DPYSL5: variants seen among roughly 807,000 people sequenced by gnomAD.
DPYSL5 encodes the protein dihydropyrimidinase-related protein 5.
Under a neutral mutation model 58.4 loss-of-function variants are expected in DPYSL5, and 9 were observed. That is an observed-to-expected ratio of 0.15 (90% CI 0.09 to 0.27). DPYSL5 has a LOEUF of 0.27. DPYSL5 is among the 10% of genes least tolerant of loss of function. DPYSL5 has a pLI of 1.00. For synonymous variants in DPYSL5, 293 were observed against 301.9 expected (o/e 0.97, Z 0.31); for missense variants, 499 against 770.6 (o/e 0.65, Z 4.17).
Position 26,942,535 on chromosome 2 carries a change from C to T in DPYSL5, c.1233-8C>T, listed in dbSNP as rs775353913. 2 of 1,612,792 alleles carry T rather than the reference C, an allele frequency of 1.2e-6. No homozygotes were observed. Among genetic ancestry groups the T allele is most frequent in the East Asian group, 2.2e-5 (1 of 44,854 alleles). On this transcript the variant is annotated splice_region_variant and splice_polypyrimidine_tract_variant and intron_variant, in intron 10 of 12. Transcript: ENST00000288699. This position sits in a 1 kb window ranked among gnomAD's most constrained non-coding sequence, Gnocchi z 5.9. ...GCGCTTTCTCTCCCGCCATTGCCTC[C>T]CCACCAGGACCATCTCAGCCAGCAC...
At chr2:26,889,982 C>T (rs188889743) in intron 1 of DPYSL5, among the ~76,000 whole-genome samples, 42 of 152,242 alleles carry the variant, frequency 2.8e-4, no homozygotes, top group African/African-American at 8.9e-4. Flanking sequence ...CAGTCCACAG[C>T]GAGGCGGGAT....
chr2:26,926,159 C>T (rs185175177), intron 3 of DPYSL5, among the ~76,000 whole-genome samples: 2 of 152,342 alleles, frequency 1.3e-5, no homozygotes, highest in East Asian at 3.9e-4. Context: ...ATATTTCTGC[C>T]CTCGGGTCTT....
chr2:26,929,355 C>T (rs1188993460), intron 5 of DPYSL5, among the ~76,000 whole-genome samples: 1 of 152,204 alleles, frequency 6.6e-6, no homozygotes, highest in Non-Finnish European at 1.5e-5. Flanking sequence ...GCCTCAGCCT[C>T]CCAAGTAGTT....
intron 1 of DPYSL5, among the ~76,000 whole-genome samples, chr2:26,871,973 A>G (rs1663271973): frequency 6.6e-6 from 1 of 152,200 alleles, no homozygotes; most frequent in African/African-American, 2.4e-5. Flanking sequence ...TGCTAAAAAG[A>G]CAGATTAGTA....
At chr2:26,862,706 G>A in intron 1 of DPYSL5, among the ~76,000 whole-genome samples, 1 of 152,212 alleles carries the variant, frequency 6.6e-6, no homozygotes. Context: ...GACAAGGCTG[G>A]TGGAAGTCAC....
At chr2:26,902,473 C>T (rs961950069) in intron 2 of DPYSL5, among the ~76,000 whole-genome samples, 3 of 152,134 alleles carry the variant, frequency 2.0e-5, no homozygotes, top group African/African-American at 7.2e-5. Flanking sequence ...ACCAGCCCCT[C>T]ACTAAGATAT....
At position 26,926,639 on chromosome 2, in the gene DPYSL5, A is replaced by G. The variant is rs188263302; in HGVS notation, c.421-614A>G. ...TGCTTTCACAGAGTAGCTATTTTGC[A>G]TAGGTGTGAGCATTTTCTATTTTGC... On this transcript the variant is annotated intron_variant, in intron 3 of 12. Coordinates refer to ENST00000288699, the MANE Select transcript of DPYSL5 (RefSeq NM_020134.4). Among the ~76,000 whole-genome samples, 729 of 152,242 alleles carry G rather than the reference A, an allele frequency of 4.8e-3. 4 individuals are homozygous for G. Among genetic ancestry groups the G allele is most frequent in the South Asian group, 6.4e-3 (31 of 4,816 alleles).
At chr2:26,931,203 G>GTGTATATATA (rs1474347605) in intron 5 of DPYSL5, among the ~76,000 whole-genome samples, 1 of 44,934 alleles carries the variant, frequency 2.2e-5, no homozygotes, top group African/African-American at 8.1e-5. Flanking sequence ...GTGTGTGTGT[G>GTGTATATATA]TATATATATA....
chr2:26,921,908 G>A (rs559374583), intron 2 of DPYSL5, among the ~76,000 whole-genome samples: 8 of 152,272 alleles, frequency 5.3e-5, no homozygotes, highest in South Asian at 4.1e-4. Context: ...CAACCAACAC[G>A]TGGGAAAGTC....
chr2:26,946,929 T>A lies in DPYSL5; in HGVS notation c.1629T>A (p.His543Gln). 1.2e-6 allele frequency: 2 copies of A among 1,614,094 alleles called. No homozygotes were observed. Among genetic ancestry groups the A allele is most frequent in the Non-Finnish European group, 1.7e-6 (2 of 1,179,934 alleles). The change falls in exon 13 of 13, where the codon CAT (histidine) becomes CAA (glutamine). Residue 543 changes from histidine to glutamine, a missense_variant. This residue lies in a region of DPYSL5 where 33 missense variants were observed against 63.8 expected (regional missense o/e 0.52). Transcript: ENST00000288699. ...FSLSGSQIDD[H>Q]VPKRASARIL... ...CTGCAGGCTCTCAGATCGATGACCA[T>A]GTTCCAAAGCGAGCTTCAGCTCGGA...
chr2:26,859,321 C>T (rs1242486443), intron 1 of DPYSL5, among the ~76,000 whole-genome samples: 1 of 151,094 alleles, frequency 6.6e-6, no homozygotes, highest in Non-Finnish European at 1.5e-5. Flanking sequence ...TCATACCTAG[C>T]TGATAATATG....
rs1284592507 is a variant in DPYSL5 at position 26,849,724 on chromosome 2, G to T, written c.-5+1470G>T. Among the ~76,000 whole-genome samples, 1 of 152,246 alleles carries T rather than the reference G, an allele frequency of 6.6e-6. No homozygotes were observed. The highest frequency in any genetic ancestry group is 1.5e-5 in the Non-Finnish European group (1 of 68,038). On this transcript the variant is annotated intron_variant, in intron 1 of 12. Coordinates refer to ENST00000288699, the MANE Select transcript of DPYSL5 (RefSeq NM_020134.4). This position sits in a 1 kb window ranked among gnomAD's most constrained non-coding sequence, Gnocchi z 6.2. Reference sequence around the variant, plus strand: ...CAAACCAGGGCCACCCAGGACGCGAGGGTGCAGTTTTCTGGTGCTGGGAAT... The same window carrying T: ...CAAACCAGGGCCACCCAGGACGCGATGGTGCAGTTTTCTGGTGCTGGGAAT...
At chr2:26,865,097 T>C (rs1187846591) in intron 1 of DPYSL5, among the ~76,000 whole-genome samples, 1 of 152,222 alleles carries the variant, frequency 6.6e-6, no homozygotes, top group Non-Finnish European at 1.5e-5. Context: ...TCTGTATATT[T>C]AAATAAGAAA....
chr2:26,856,596 C>T (rs907107446), intron 1 of DPYSL5, among the ~76,000 whole-genome samples: 1 of 151,924 alleles, frequency 6.6e-6, no homozygotes, highest in African/African-American at 2.4e-5. Flanking sequence ...CTGCTGTGAA[C>T]ATTCTAGTAG....
chr2:26,933,315 G>T lies in DPYSL5; in HGVS notation c.772G>T (p.Ala258Ser), dbSNP rs765630736. The T allele has an allele frequency of 6.8e-6, 11 of 1,613,902 alleles. No homozygotes were observed. Among genetic ancestry groups the T allele is most frequent in the Non-Finnish European group, 9.3e-6 (11 of 1,179,956 alleles). The change falls in exon 7 of 13, where the codon GCA (alanine) becomes TCA (serine). Residue 258 changes from alanine (A) to serine (S), a missense_variant. This residue lies in a region of DPYSL5 where 404 missense variants were observed against 647.6 expected (regional missense o/e 0.62). Transcript: ENST00000288699. This position sits in a 1 kb window ranked among gnomAD's most constrained non-coding sequence, Gnocchi z 4.2. Reference protein sequence around the residue: ...VSSISAGDVIAAAKMQGKVVL... With the variant: ...VSSISAGDVISAAKMQGKVVL... ...CAGTATCTCGGCTGGTGACGTTATC[G>T]CAGCTGCTAAGATGCAAGGTGAGTC...
Position 26,849,218 on chromosome 2 carries a change from G to C in DPYSL5, c.-5+964G>C, listed in dbSNP as rs1443455467. Among the ~76,000 whole-genome samples the C allele has an allele frequency of 2.0e-5, 3 of 151,946 alleles. No individual in the cohort carries two copies. Among genetic ancestry groups the C allele is most frequent in the Non-Finnish European group, 4.4e-5 (3 of 67,940 alleles). On this transcript the variant is annotated intron_variant, in intron 1 of 12. Transcript: ENST00000288699. This position sits in a 1 kb window ranked among gnomAD's most constrained non-coding sequence, Gnocchi z 6.2. ...GCCCGGCGAGGCTGGTTCTGCTGAA[G>C]AATGGGGAGGGGAGGAGGGATGCAG...
intron 1 of DPYSL5, among the ~76,000 whole-genome samples, chr2:26,869,039 A>G (rs1663188934): frequency 6.6e-6 from 1 of 152,294 alleles, no homozygotes; most frequent in East Asian, 1.9e-4. Flanking sequence ...GTCACAGCTC[A>G]CTGCAGCCTC....
At chr2:26,921,280 A>G (rs1397091946) in intron 2 of DPYSL5, among the ~76,000 whole-genome samples, 4 of 152,346 alleles carry the variant, frequency 2.6e-5, no homozygotes, top group South Asian at 4.1e-4. Flanking sequence ...GAGGTGGATC[A>G]CCTGAGGTCA....
chr2:26,883,199 A>G (rs180686045), intron 1 of DPYSL5, among the ~76,000 whole-genome samples: 5 of 152,198 alleles, frequency 3.3e-5, no homozygotes, highest in African/African-American at 1.2e-4. Context: ...TCCCCCTACC[A>G]TGGGCCCCTC....
Sources: allele counts gnomAD v4.1 joint callset (sites outside exome capture counted in the v4.1 genomes callset), GRCh38; gene constraint gnomAD v4.1.1; regional missense constraint gnomAD v4.1.1; non-coding constraint Gnocchi (gnomAD v3.1); transcripts MANE v1.5; gene names NCBI Gene and HGNC (gene_info 2026-07-23, HGNC 2026-07-21).